CTNNA3: variants seen among roughly 807,000 people sequenced by gnomAD.
CTNNA3 encodes catenin alpha 3, also known as catenin alpha-3.
Under a neutral mutation model 95.7 loss-of-function variants are expected in CTNNA3, and 76 were observed. That is an observed-to-expected ratio of 0.79 (90% CI 0.66 to 0.96). The LOEUF (loss-of-function observed/expected upper bound fraction) is 0.96, where lower values mean the gene tolerates loss of function less well. CTNNA3 is among the 40% of genes least tolerant of loss of function. The pLI is 0.00. For synonymous variants in CTNNA3, 431 were observed against 374.4 expected, an observed-to-expected ratio of 1.15 and a Z score of -1.74; for missense variants, 1,191 against 1,089.8, an observed-to-expected ratio of 1.09 and a Z score of -1.31.
chr10:67,514,622 A>G (rs1589379184), intron 5 of CTNNA3, among the ~76,000 whole-genome samples: 1 of 152,192 alleles, frequency 6.6e-6, no homozygotes, highest in East Asian at 1.9e-4. Flanking sequence ...GTATGTCAAT[A>G]TAAGACATGC....
chr10:66,379,792 G>A (rs16922922), intron 11 of CTNNA3, among the ~76,000 whole-genome samples: 11,623 of 152,184 alleles, frequency 0.076, 571 homozygotes, highest in East Asian at 0.22. Context: ...ATGAATTCCA[G>A]AGAAAGTTGC....
intron 13 of CTNNA3, among the ~76,000 whole-genome samples, chr10:66,275,547 C>T (rs1393831094): frequency 6.6e-6 from 1 of 152,182 alleles, no homozygotes; most frequent in African/African-American, 2.4e-5. Context: ...AGGGAAGAAA[C>T]TGATGACATC....
chr10:67,555,688 T>A (rs998488838), intron 3 of CTNNA3, among the ~76,000 whole-genome samples: 1 of 152,212 alleles, frequency 6.6e-6, no homozygotes, highest in South Asian at 2.1e-4. Flanking sequence ...TATACTATCA[T>A]GTTATCTGCA....
chr10:67,037,087 G>C (rs1240513783), intron 7 of CTNNA3, among the ~76,000 whole-genome samples: 2 of 152,078 alleles, frequency 1.3e-5, no homozygotes, highest in Admixed American at 6.5e-5. Flanking sequence ...AAGGAAGAGA[G>C]GCATTTGACT....
chr10:67,316,557 G>C (rs182291808), intron 5 of CTNNA3, among the ~76,000 whole-genome samples: 2 of 152,122 alleles, frequency 1.3e-5, no homozygotes, highest in Non-Finnish European at 2.9e-5. Context: ...TTGCTTTTTT[G>C]GGTATGACAT....
At chr10:66,092,629 C>T (rs2081253161) in intron 14 of CTNNA3, among the ~76,000 whole-genome samples, 1 of 151,972 alleles carries the variant, frequency 6.6e-6, no homozygotes, top group African/African-American at 2.4e-5. Flanking sequence ...TCACATATAT[C>T]ACAATATACC....
At position 66,035,841 on chromosome 10, in the gene CTNNA3, G is replaced by A. The variant is rs181209034; in HGVS notation, c.2159+33467C>T. Among the ~76,000 whole-genome samples, 226 of 152,180 alleles carry A rather than the reference G, an allele frequency of 1.5e-3. 1 individual carries two copies. Among genetic ancestry groups the A allele is most frequent in the African/African-American group, 5.1e-3 (210 of 41,540 alleles). The stretch of plus-strand genomic sequence containing the variant: ...AGTAGAAATGAAAGATGGGCTTATT[G>A]TGAATGTTAATTTTTAAGGATTACT... On this transcript the variant is annotated intron_variant, in intron 15 of 17. Coordinates refer to ENST00000433211, the MANE Select transcript of CTNNA3 (RefSeq NM_013266.4).
At chr10:66,446,848 T>C (rs2093425871) in intron 11 of CTNNA3, among the ~76,000 whole-genome samples, 1 of 151,946 alleles carries the variant, frequency 6.6e-6, no homozygotes, top group African/African-American at 2.4e-5. Flanking sequence ...CAGAAGGAAA[T>C]AAAGGGTATT....
At chr10:67,577,788 T>C (rs964823955) in intron 3 of CTNNA3, among the ~76,000 whole-genome samples, 3 of 151,974 alleles carry the variant, frequency 2.0e-5, no homozygotes, top group African/African-American at 7.3e-5. Context: ...TGCATATCTT[T>C]GCTATTGTAA....
chr10:66,440,798 G>A (rs2135702), intron 11 of CTNNA3, among the ~76,000 whole-genome samples: 58,073 of 151,938 alleles, frequency 0.38, 11,654 homozygotes, highest in African/African-American at 0.5. Context: ...TATCAGTTGA[G>A]TAAATATAAT....
At chr10:66,741,996 G>T (rs1331885781) in intron 9 of CTNNA3, among the ~76,000 whole-genome samples, 1 of 152,082 alleles carries the variant, frequency 6.6e-6, no homozygotes, top group Admixed American at 6.6e-5. Flanking sequence ...TATGAAATCT[G>T]GGCACCTTGA....
At chr10:67,247,410 G>T (rs1208985925) in intron 5 of CTNNA3, among the ~76,000 whole-genome samples, 1 of 151,990 alleles carries the variant, frequency 6.6e-6, no homozygotes, top group Non-Finnish European at 1.5e-5. Flanking sequence ...ACTTAAAATA[G>T]CATCAAAACA....
Position 66,507,167 on chromosome 10 carries a change from C to G in CTNNA3, c.1531+13450G>C, listed in dbSNP as rs1840477415. On this transcript the variant is annotated intron_variant, in intron 11 of 17. Coordinates refer to ENST00000433211, the MANE Select transcript of CTNNA3 (RefSeq NM_013266.4). The stretch of plus-strand genomic sequence containing the variant: ...GTCATGCTCACTATGATGTCATGGA[C>G]AAAAAGGCCTTTGTTATTACATTTT... Among the ~76,000 whole-genome samples the G allele has an allele frequency of 2.0e-5, 3 of 152,056 alleles. No homozygotes were observed. The South Asian group carries it at 6.2e-4, about 32-fold the overall frequency.
intron 5 of CTNNA3, among the ~76,000 whole-genome samples, chr10:67,389,766 C>G (rs1354449574): frequency 6.6e-6 from 1 of 151,584 alleles, no homozygotes; most frequent in Non-Finnish European, 1.5e-5. Flanking sequence ...CACTCAAAAC[C>G]GCTCAACTAC....
intron 6 of CTNNA3, among the ~76,000 whole-genome samples, chr10:67,190,370 G>T (rs1863064917): frequency 6.6e-6 from 1 of 151,990 alleles, no homozygotes; most frequent in Non-Finnish European, 1.5e-5. Context: ...GAGTGCATAT[G>T]TGTATATGAG....
At chr10:65,967,229 T>C (rs1312303268) in intron 16 of CTNNA3, among the ~76,000 whole-genome samples, 1 of 152,082 alleles carries the variant, frequency 6.6e-6, no homozygotes, top group African/African-American at 2.4e-5. Context: ...GTGCTGGGAT[T>C]ACAGGCGTGA....
intron 7 of CTNNA3, among the ~76,000 whole-genome samples, chr10:66,852,754 A>G (rs1438592372): frequency 6.6e-6 from 1 of 152,180 alleles, no homozygotes; most frequent in Non-Finnish European, 1.5e-5. Context: ...GTTTACATAA[A>G]AATCTCATTT....
At chr10:66,997,501 G>A (rs866380479) in intron 7 of CTNNA3, among the ~76,000 whole-genome samples, 1 of 152,096 alleles carries the variant, frequency 6.6e-6, no homozygotes, top group East Asian at 1.9e-4. Context: ...CCAAATTCTT[G>A]TCTGTTCATA....
chr10:67,068,663 T>G (rs2131840015), intron 7 of CTNNA3, among the ~76,000 whole-genome samples: 1 of 149,556 alleles, frequency 6.7e-6, no homozygotes, highest in Non-Finnish European at 1.5e-5. Flanking sequence ...GGGGAGAGAG[T>G]TTTAATAAAA....
Sources: gnomAD v4.1 joint callset for allele counts (sites outside exome capture counted in the v4.1 genomes callset) on GRCh38, gnomAD v4.1.1 for gene constraint, MANE v1.5 for transcripts, NCBI Gene and HGNC (gene_info 2026-07-23, HGNC 2026-07-21) for gene names.